Variants in LUZP2 observed in about 807,000 individuals in gnomAD.
The protein encoded by LUZP2 is leucine zipper protein 2.
A neutral mutation model predicts 51.6 loss-of-function variants in LUZP2; 52 were observed. That is an observed-to-expected ratio of 1.01 (90% CI 0.81 to 1.27). LUZP2 has a LOEUF of 1.27. LUZP2 is among the 50% of genes most tolerant of loss of function. LUZP2 has a pLI of 0.00. For synonymous variants in LUZP2, 154 were observed against 137.3 expected, an observed-to-expected ratio of 1.12 and a Z score of -0.85; for missense variants, 436 against 395.4, an observed-to-expected ratio of 1.10 and a Z score of -0.87.
At chr11:25,072,471 G>A (rs1026890822) in intron 10 of LUZP2, among the ~76,000 whole-genome samples, 8 of 151,954 alleles carry the variant, frequency 5.3e-5, no homozygotes, top group South Asian at 2.1e-4. Flanking sequence ...GGATAACAAA[G>A]GTAATTTATT....
intron 9 of LUZP2, among the ~76,000 whole-genome samples, chr11:24,987,846 T>C (rs903311595): frequency 1.3e-5 from 2 of 151,946 alleles, no homozygotes; most frequent in Non-Finnish European, 2.9e-5. Flanking sequence ...GGAATCATCA[T>C]AAGCCAAGGT....
chr11:24,644,468 A>G (rs1030437616), intron 1 of LUZP2, among the ~76,000 whole-genome samples: 2 of 150,018 alleles, frequency 1.3e-5, no homozygotes, highest in East Asian at 3.9e-4. Flanking sequence ...TGATACACAC[A>G]TTCTCCTCCT....
chr11:24,970,069 A>G (rs1855700336), intron 7 of LUZP2, among the ~76,000 whole-genome samples: 2 of 152,156 alleles, frequency 1.3e-5, no homozygotes, highest in Non-Finnish European at 2.9e-5. Context: ...TTTATTTTAG[A>G]AACTACTACT....
chr11:24,662,141 G>C (rs1413670903), intron 1 of LUZP2, among the ~76,000 whole-genome samples: 1 of 151,990 alleles, frequency 6.6e-6, no homozygotes, highest in Non-Finnish European at 1.5e-5. Flanking sequence ...CAATATGTGA[G>C]AAGCATCAAC....
intron 10 of LUZP2, among the ~76,000 whole-genome samples, chr11:25,054,129 T>A (rs1353224666): frequency 1.3e-5 from 2 of 152,216 alleles, no homozygotes; most frequent in Non-Finnish European, 2.9e-5. Context: ...TTCTCTGTAT[T>A]CACGGTCTCA....
rs979413211 is a variant in LUZP2 at position 25,077,279 on chromosome 11, A to G, written c.859-50A>G. ...GAGAGTGTTTTTGACTCCCCCCTCC[A>G]CTTTCTTTCTTTAACTTCATTGATG... On this transcript the variant is annotated intron_variant, in intron 10 of 11. Transcript: ENST00000336930. 37 of 1,359,200 alleles carry G rather than the reference A, an allele frequency of 2.7e-5. No individual in the cohort carries two copies. The Admixed American group carries it at 6.1e-4, about 22-fold the overall frequency. 84.2% of individuals were successfully genotyped at this position (1,359,200 alleles called of 1,614,324 possible).
chr11:25,075,944 A>G (rs1057414230), intron 10 of LUZP2, among the ~76,000 whole-genome samples: 1 of 151,904 alleles, frequency 6.6e-6, no homozygotes, highest in African/African-American at 2.4e-5. Flanking sequence ...TTGGAAATAA[A>G]CTTATTTTTT....
At chr11:25,063,222 T>C (rs955804300) in intron 10 of LUZP2, among the ~76,000 whole-genome samples, 4 of 151,744 alleles carry the variant, frequency 2.6e-5, no homozygotes, top group East Asian at 1.9e-4. Flanking sequence ...CTAGAGATGA[T>C]TTAAAGTATA....
At chr11:24,917,534 A>G (rs1029408663) in intron 7 of LUZP2, among the ~76,000 whole-genome samples, 13 of 151,986 alleles carry the variant, frequency 8.6e-5, no homozygotes, top group Non-Finnish European at 1.9e-4. Flanking sequence ...AAGGGATCCA[A>G]TTTTAGCTTT....
chr11:24,616,836 AT>A, intron 1 of LUZP2, among the ~76,000 whole-genome samples: 1 of 152,212 alleles, frequency 6.6e-6, no homozygotes, highest in Middle Eastern at 3.4e-3. Flanking sequence ...TGTTCCTAAG[AT>A]TTTGATAGGA....
intron 5 of LUZP2, chr11:24,786,085 C>T: frequency 2.0e-6 from 2 of 985,234 alleles, no homozygotes; most frequent in Non-Finnish European, 2.4e-6. Context: ...CGGCTGGCAC[C>T]TGGTATATGA....
chr11:25,031,047 C>T (rs1361611369), intron 9 of LUZP2, among the ~76,000 whole-genome samples: 1 of 118,186 alleles, frequency 8.5e-6, no homozygotes, highest in Non-Finnish European at 1.7e-5. Flanking sequence ...GAGTCTCACT[C>T]TGTTACCCAG....
In LUZP2 at chr11:25,023,867, AT is replaced by A. The variant is rs1487710687; in HGVS notation, c.766-26168del. Among the ~76,000 whole-genome samples, 12 of 152,186 alleles carry A rather than the reference AT, an allele frequency of 7.9e-5. No homozygotes were observed. In the East Asian group the frequency reaches 2.3e-3, roughly 29 times the overall value. ...CTCATTGGTTACAAAGAATATCTTT[AT>A]TTCTGTCTTCATTTCGTTATGTACC... On this transcript the variant is annotated intron_variant, in intron 9 of 11. Coordinates refer to ENST00000336930, the MANE Select transcript of LUZP2 (RefSeq NM_001009909.4).
chr11:25,025,674 A>T (rs973343528), intron 9 of LUZP2, among the ~76,000 whole-genome samples: 1 of 152,150 alleles, frequency 6.6e-6, no homozygotes, highest in Non-Finnish European at 1.5e-5. Context: ...GAGAACTAGG[A>T]ACACTTTTAC....
At chr11:24,590,975 G>A (rs1257197995) in intron 1 of LUZP2, among the ~76,000 whole-genome samples, 1 of 152,104 alleles carries the variant, frequency 6.6e-6, no homozygotes, top group African/African-American at 2.4e-5. Context: ...GCCGAGCAAG[G>A]TGGCTCACAC....
At chr11:24,657,871 T>C (rs1195521110) in intron 1 of LUZP2, among the ~76,000 whole-genome samples, 1 of 152,142 alleles carries the variant, frequency 6.6e-6, no homozygotes, top group Non-Finnish European at 1.5e-5. Context: ...TTACAAGGGA[T>C]GTGAAGAACC....
chr11:24,745,071 A>AGT (rs1407547636), intron 4 of LUZP2, among the ~76,000 whole-genome samples: 1 of 151,778 alleles, frequency 6.6e-6, no homozygotes, highest in Non-Finnish European at 1.5e-5. Context: ...GGTCTGAGAG[A>AGT]GTGTTTGATA....
intron 7 of LUZP2, among the ~76,000 whole-genome samples, chr11:24,926,197 A>G (rs1292496716): frequency 3.3e-5 from 5 of 149,672 alleles, no homozygotes; most frequent in South Asian, 2.1e-4. Context: ...ATGTGTATAT[A>G]TATATGTGTG....
rs116704736 is a variant in LUZP2, at chr11:24,794,921, A to T, written c.396+31613A>T. ...ATTATAGGATTTCATGTGTAAGTGA[A>T]TTTGAGATCATTTGGCCATGAATAA... is the stretch of plus-strand genomic sequence containing the variant. On this transcript the variant is annotated intron_variant, in intron 5 of 11. Transcript: ENST00000336930. Among the ~76,000 whole-genome samples the T allele has an allele frequency of 7.8e-3, 1,181 of 152,228 alleles. 11 individuals are homozygous for T. Among genetic ancestry groups the T allele is most frequent in the African/African-American group, 0.027 (1,126 of 41,562 alleles).
Sources: gnomAD v4.1 joint callset for allele counts (sites outside exome capture counted in the v4.1 genomes callset) on GRCh38, gnomAD v4.1.1 for gene constraint, MANE v1.5 for transcripts, NCBI Gene and HGNC (gene_info 2026-07-23, HGNC 2026-07-21) for gene names.